The following FCER1A variants were observed in gnomAD, a reference collection of about 807,000 sequenced individuals.
The protein encoded by FCER1A is high affinity immunoglobulin epsilon receptor subunit alpha.
Under a neutral mutation model 23.6 loss-of-function variants are expected in FCER1A, and 24 were observed. The observed-to-expected ratio is 1.02, with a 90% CI of 0.74 to 1.43. FCER1A has a LOEUF of 1.43. Ranked by LOEUF, FCER1A falls within the 40% of genes most tolerant of loss-of-function variation. The pLI, the probability that FCER1A is intolerant of heterozygous loss-of-function variation, is 0.00. For synonymous variants in FCER1A, 121 were observed against 108.8 expected (o/e 1.11, Z -0.70); for missense variants, 318 against 294.5 (o/e 1.08, Z -0.58).
chr1:159,302,463 AT>A, intron 1 of FCER1A, 44 bp downstream of exon 1: 1 of 1,373,090 alleles, frequency 7.3e-7, no homozygotes, highest in Non-Finnish European at 1.0e-6. Context: ...GCCCAAATGA[AT>A]TTGGGGAGCA....
At chr1:159,294,895 G>T (rs772325956) in intron 1 of FCER1A, among the ~76,000 whole-genome samples, 1 of 152,100 alleles carries the variant, frequency 6.6e-6, no homozygotes, top group Non-Finnish European at 1.5e-5. Flanking sequence ...TCAAGACATA[G>T]TTTGCTCATT....
chr1:159,307,406 C>G (rs74453726), intron 4 of FCER1A, among the ~76,000 whole-genome samples: 1 of 152,186 alleles, frequency 6.6e-6, no homozygotes, highest in African/African-American at 2.4e-5. Flanking sequence ...GACCCCTGTC[C>G]TCACTTTGTC....
upstream of FCER1A, among the ~76,000 whole-genome samples, chr1:159,302,022 C>G (rs377345939): frequency 1.4e-3 from 220 of 152,268 alleles, no homozygotes; most frequent in South Asian, 7.5e-3. Context: ...TTATTCTGCT[C>G]TCCCTTGCAT....
At chr1:159,288,197 A>G (rs1027659196), upstream of FCER1A, among the ~76,000 whole-genome samples, 3 of 152,212 alleles carry the variant, frequency 2.0e-5, no homozygotes, top group African/African-American at 7.2e-5. Context: ...TTAAAAATGA[A>G]TACATTCACA....
At chr1:159,299,789 A>G (rs1044960793), upstream of FCER1A, among the ~76,000 whole-genome samples, 2 of 152,126 alleles carry the variant, frequency 1.3e-5, no homozygotes, top group South Asian at 2.1e-4. Flanking sequence ...ATATAAGATA[A>G]AAAACCTGTG....
In FCER1A at chr1:159,307,830, C is replaced by T. The variant is rs754763948; in HGVS notation, c.672C>T (p.Ile224=). The part of the protein sequence containing the change: ...ILFAVDTGLF[I]STQQQVTFLL... ...TTGCTGTGGACACAGGATTATTTAT[C>T]TCAACTCAGCAGCAGGTCACATTTC... is the stretch of plus-strand genomic sequence containing the variant. Residue 224 remains isoleucine, a synonymous_variant, in exon 5 of 5, where the codon ATC becomes ATT. Coordinates refer to ENST00000693622, the MANE Select transcript of FCER1A (RefSeq NM_001387280.1). 6.2e-7 allele frequency: 1 copy of T among 1,613,090 alleles called. No individual in the cohort carries two copies. Among genetic ancestry groups the T allele is most frequent in the South Asian group, 1.1e-5 (1 of 91,020 alleles).
upstream of FCER1A, among the ~76,000 whole-genome samples, chr1:159,301,752 G>A (rs1262927480): frequency 6.6e-6 from 1 of 152,154 alleles, no homozygotes; most frequent in East Asian, 1.9e-4. Flanking sequence ...TCCTGAATAT[G>A]TATAAACAGT....
chr1:159,285,292 C>G (rs534020745), upstream of FCER1A, among the ~76,000 whole-genome samples: 1 of 152,266 alleles, frequency 6.6e-6, no homozygotes, highest in Non-Finnish European at 1.5e-5. Flanking sequence ...CCATTGCCCC[C>G]ATATTTTAAA....
chr1:159,287,491 C>T (rs2102211909), upstream of FCER1A, among the ~76,000 whole-genome samples: 1 of 151,984 alleles, frequency 6.6e-6, no homozygotes, highest in Middle Eastern at 3.4e-3. Flanking sequence ...AAGAATATGT[C>T]CTGGATGCTG....
At chr1:159,299,796 T>A (rs58135923), upstream of FCER1A, among the ~76,000 whole-genome samples, 18,997 of 152,002 alleles carry the variant, frequency 0.12, 2,045 homozygotes, top group East Asian at 0.52. Flanking sequence ...ATAAAAAACC[T>A]GTGGCATTCA....
At chr1:159,295,724 C>T (rs1489001552) in intron 1 of FCER1A, among the ~76,000 whole-genome samples, 2 of 152,168 alleles carry the variant, frequency 1.3e-5, no homozygotes, top group Admixed American at 1.3e-4. Context: ...AACTGCGGAT[C>T]AGGGCCCCTA....
intron 1 of FCER1A, among the ~76,000 whole-genome samples, chr1:159,295,595 C>T (rs1487766123): frequency 6.6e-6 from 1 of 152,138 alleles, no homozygotes; most frequent in Non-Finnish European, 1.5e-5. Context: ...AATATTCGGT[C>T]TAATAGTCTA....
At position 159,306,046 on chromosome 1, in the gene FCER1A, C is replaced by T. The variant is rs756961843; in HGVS notation, c.390C>T (p.Leu130=). 6.2e-7 allele frequency: 1 copy of T among 1,614,078 alleles called. No homozygotes were observed. Among genetic ancestry groups the T allele is most frequent in the East Asian group, 2.2e-5 (1 of 44,884 alleles). ...TGATGGAGGGCCAGCCCCTCTTCCT[C>T]AGGTGCCATGGTTGGAGGAACTGGG... ...EVVMEGQPLF[L]RCHGWRNWDV... is the part of the protein sequence containing the mutation. The change falls in exon 4 of 5, where the codon CTC becomes CTT. Residue 130 remains leucine, a synonymous_variant. Coordinates refer to ENST00000693622, the MANE Select transcript of FCER1A (RefSeq NM_001387280.1).
At position 159,306,018 on chromosome 1, in the gene FCER1A, T is replaced by C; in HGVS notation, c.362T>C (p.Val121Ala). ...CTGCTCCTTCAGGCCTCTGCTGAGG[T>C]GGTGATGGAGGGCCAGCCCCTCTTC... is the stretch of plus-strand genomic sequence containing the variant. The part of the protein sequence containing the change: ...DWLLLQASAE[V>A]VMEGQPLFLR... Residue 121 changes from valine (V) to alanine (A), a missense_variant, in exon 4 of 5, where the codon GTG becomes GCG. Val to Ala is a moderately conservative substitution (Grantham distance 64). Transcript: ENST00000693622. 1 of 1,613,684 alleles carries C rather than the reference T, an allele frequency of 6.2e-7. No homozygotes were observed.
At chr1:159,287,832 A>G (rs1000468557), upstream of FCER1A, among the ~76,000 whole-genome samples, 12 of 150,706 alleles carry the variant, frequency 8.0e-5, no homozygotes, top group African/African-American at 2.4e-4. Context: ...TGAGGAAGGA[A>G]AGGATGATTT....
At chr1:159,294,877 A>G (rs2102219992) in intron 1 of FCER1A, among the ~76,000 whole-genome samples, 1 of 152,298 alleles carries the variant, frequency 6.6e-6, no homozygotes. Flanking sequence ...AAACACTATT[A>G]ATAAACTTCA....
chr1:159,306,554 T>A (rs1465663716), intron 4 of FCER1A, among the ~76,000 whole-genome samples: 1 of 152,208 alleles, frequency 6.6e-6, no homozygotes, highest in African/African-American at 2.4e-5. Flanking sequence ...GTGATTACTA[T>A]TTTGATCTCA....
At position 159,306,155 on chromosome 1, in the gene FCER1A, A is replaced by G. The variant is rs1652606844; in HGVS notation, c.499A>G (p.Thr167Ala). The change falls in exon 4 of 5, where the codon ACA becomes GCA. Residue 167 changes from threonine (T) to alanine (A), a missense_variant. Physicochemically the swap from Thr to Ala is moderately conservative, Grantham distance 58. Transcript: ENST00000693622. ...ENHNISITNA[T>A]VEDSGTYYCT... The stretch of plus-strand genomic sequence containing the variant: ...CCACAACATCTCCATTACAAATGCC[A>G]CAGTTGAAGACAGTGGAACCTACTA... The G allele has an allele frequency of 1.2e-6, 2 of 1,614,174 alleles. No individual in the cohort carries two copies. Among genetic ancestry groups the G allele is most frequent in the Non-Finnish European group, 1.7e-6 (2 of 1,180,014 alleles).
At chr1:159,287,268 A>C (rs1386547613), upstream of FCER1A, among the ~76,000 whole-genome samples, 1 of 152,226 alleles carries the variant, frequency 6.6e-6, no homozygotes, top group Non-Finnish European at 1.5e-5. Flanking sequence ...CTAAGGTGGC[A>C]CAAAGAATTT....
Sources: gnomAD v4.1 joint callset for allele counts (sites outside exome capture counted in the v4.1 genomes callset) on GRCh38, gnomAD v4.1.1 for gene constraint, MANE v1.5 for transcripts, NCBI Gene and HGNC (gene_info 2026-07-23, HGNC 2026-07-21) for gene names.